SEC24A: variants seen among roughly 807,000 people sequenced by gnomAD.
The protein encoded by SEC24A is SEC24 homolog A, COPII component.
Under a neutral mutation model 129.4 loss-of-function variants are expected in SEC24A, and 93 were observed. The observed-to-expected ratio is 0.72, with a 90% CI of 0.61 to 0.85. The LOEUF (loss-of-function observed/expected upper bound fraction) is 0.85, where lower values mean the gene tolerates loss of function less well. Ranked by LOEUF, SEC24A falls within the 40% of genes least tolerant of loss-of-function variation. SEC24A has a pLI of 0.00. For missense variants in SEC24A, 1,264 were observed against 1,307.4 expected (o/e 0.97, Z 0.51); for synonymous variants, 460 against 467.3 (o/e 0.98, Z 0.20).
chr5:134,659,047 T>TTTTTTTTATTTA (rs1554136611), intron 1 of SEC24A, among the ~76,000 whole-genome samples: 21 of 138,766 alleles, frequency 1.5e-4, no homozygotes, highest in Middle Eastern at 3.3e-3. Context: ...ACCCATTTAT[T>TTTTTTTTATTTA]TTTATTTATT....
chr5:134,661,644 A>G, intron 2 of SEC24A, 58 bp downstream of exon 2: 1 of 1,254,528 alleles, frequency 8.0e-7, no homozygotes. Context: ...GCTTATTTAG[A>G]TGTTTGAAAT....
intron 1 of SEC24A, among the ~76,000 whole-genome samples, chr5:134,660,465 A>C (rs181603885): frequency 6.6e-6 from 1 of 152,102 alleles, no homozygotes; most frequent in African/African-American, 2.4e-5. Context: ...GAGATGGCCT[A>C]TTTTTATCCA....
At chr5:134,714,486 T>C (rs1752421393) in intron 18 of SEC24A, among the ~76,000 whole-genome samples, 3 of 152,212 alleles carry the variant, frequency 2.0e-5, no homozygotes, top group African/African-American at 7.2e-5. Context: ...GGTTGCATAC[T>C]CTTTATGAGA....
intron 8 of SEC24A, among the ~76,000 whole-genome samples, chr5:134,681,332 G>A (rs555757251): frequency 7.3e-5 from 11 of 150,206 alleles, no homozygotes; most frequent in Non-Finnish European, 1.0e-4. Flanking sequence ...CCCGGGAGGC[G>A]GAGGTTGCAG....
chr5:134,676,431 C>G (rs1751064098), intron 7 of SEC24A, among the ~76,000 whole-genome samples: 1 of 146,890 alleles, frequency 6.8e-6, no homozygotes, highest in African/African-American at 2.5e-5. Context: ...AGCCTCTGCG[C>G]CCGGCTCTTT....
chr5:134,697,065 T>C, intron 13 of SEC24A, 61 bp from the exon 14 acceptor site: 1 of 1,008,920 alleles, frequency 9.9e-7, no homozygotes, highest in Non-Finnish European at 1.5e-6. Context: ...AGATGTGTAT[T>C]TAGATTTTAT....
intron 6 of SEC24A, among the ~76,000 whole-genome samples, chr5:134,675,547 T>G (rs1751030594): frequency 6.6e-6 from 1 of 152,220 alleles, no homozygotes; most frequent in Admixed American, 6.5e-5. Flanking sequence ...TCATTTAAAA[T>G]TAATTTCATA....
intron 1 of SEC24A, among the ~76,000 whole-genome samples, chr5:134,658,687 T>G (rs1396910723): frequency 6.6e-6 from 1 of 152,198 alleles, no homozygotes; most frequent in East Asian, 1.9e-4. Flanking sequence ...ATTACAGGCA[T>G]GAGCCACCAT....
Position 134,686,774 on chromosome 5 carries a change from A to G in SEC24A, c.1492-16A>G. The G allele has an allele frequency of 6.8e-7, 1 of 1,477,384 alleles. No homozygotes were observed. Among genetic ancestry groups the G allele is most frequent in the East Asian group, 2.3e-5 (1 of 43,844 alleles). 91.5% of individuals were successfully genotyped at this position (1,477,384 alleles called of 1,614,324 possible). A position where few individuals can be genotyped will look rare whatever the true frequency, so the allele number is the denominator to read the frequency against. On this transcript the variant is annotated splice_polypyrimidine_tract_variant and intron_variant, in intron 9 of 22. Coordinates refer to ENST00000398844, the MANE Select transcript of SEC24A (RefSeq NM_021982.3). ...AATCCTGTTAAATGTACTTAACAAG[A>G]TCTTTTTTTCTTCAGTTACGACCAC... is the stretch of plus-strand genomic sequence containing the variant.
At chr5:134,661,687 G>A in intron 2 of SEC24A, 101 bp downstream of exon 2, 1 of 964,340 alleles carries the variant, frequency 1.0e-6, no homozygotes, top group Non-Finnish European at 1.5e-6. Context: ...TATGGAAAAT[G>A]TGACTTTTAA....
intron 15 of SEC24A, among the ~76,000 whole-genome samples, chr5:134,698,590 A>T (rs1237070557): frequency 1.7e-4 from 25 of 146,712 alleles, no homozygotes; most frequent in African/African-American, 5.3e-4. Context: ...CCTGGGCAAC[A>T]CTGTCTCCAA....
chr5:134,691,774 C>T (rs530280163), intron 11 of SEC24A, among the ~76,000 whole-genome samples: 1 of 151,898 alleles, frequency 6.6e-6, no homozygotes, highest in Non-Finnish European at 1.5e-5. Context: ...CATGAGCCAC[C>T]GTGCCCGGCC....
At position 134,698,046 on chromosome 5, in the gene SEC24A, G is replaced by A. The variant is rs778798833; in HGVS notation, c.2255G>A (p.Arg752Gln). The change falls in exon 15 of 23, where the codon CGG becomes CAG. Residue 752 changes from arginine (R) to glutamine (Q), a missense_variant. Physicochemically the swap from Arg to Gln is conservative, Grantham distance 43 (BLOSUM62 1). Transcript: ENST00000398844. ...GGCTTTGAGGCAGTCATGAGGATTC[G>A]GTGCACCAAAGGTAGGAATATTTTT... ...KIGFEAVMRI[R>Q]CTKGLSIHTF... The A allele has an allele frequency of 1.4e-5, 22 of 1,606,428 alleles. No homozygotes were observed. The highest frequency in any genetic ancestry group is 1.8e-5 in the Non-Finnish European group (21 of 1,178,014).
chr5:134,720,943 A>G (rs1477688426), intron 20 of SEC24A, 55 bp from the exon 21 acceptor site: 3 of 945,832 alleles, frequency 3.2e-6, no homozygotes, highest in South Asian at 2.8e-5. Flanking sequence ...TACTCACTCA[A>G]CAGACTCACC....
In SEC24A at chr5:134,697,910, C is replaced by T. The variant is rs765647790; in HGVS notation, c.2119C>T (p.Arg707Trp). ...GTGTTCTCTTCCAGGTTGTATTTCT[C>T]GGTATTCAGCAGGTAGTGTCTATTA... ...SDLASLGCIS[R>W]YSAGSVYYYP... Residue 707 changes from arginine (R) to tryptophan (W), a missense_variant, in exon 15 of 23, where the codon CGG (arginine) becomes TGG (tryptophan). Physicochemically the swap from Arg to Trp is moderately radical, Grantham distance 101 (BLOSUM62 -3). Coordinates refer to ENST00000398844, the MANE Select transcript of SEC24A (RefSeq NM_021982.3). The T allele has an allele frequency of 1.6e-5, 25 of 1,610,312 alleles. No homozygotes were observed. Among genetic ancestry groups the T allele is most frequent in the African/African-American group, 2.7e-5 (2 of 74,668 alleles).
intron 19 of SEC24A, among the ~76,000 whole-genome samples, chr5:134,715,734 C>T (rs1752458262): frequency 6.6e-6 from 1 of 151,836 alleles, no homozygotes; most frequent in African/African-American, 2.4e-5. Context: ...ATACCTAATG[C>T]ATGTGGGGCT....
intron 1 of SEC24A, among the ~76,000 whole-genome samples, chr5:134,654,414 G>C (rs991032679): frequency 6.6e-6 from 1 of 151,960 alleles, no homozygotes; most frequent in African/African-American, 2.4e-5. Context: ...TAGAGACGGG[G>C]TTTCACCATG....
chr5:134,724,383 G>T (rs1459955391), intron 22 of SEC24A, among the ~76,000 whole-genome samples: 1 of 152,186 alleles, frequency 6.6e-6, no homozygotes, highest in Non-Finnish European at 1.5e-5. Flanking sequence ...GAGGTTGGGA[G>T]TTCGAGACCA....
Position 134,693,781 on chromosome 5 carries a change from A to T in SEC24A, c.1834A>T (p.Thr612Ser). The stretch of plus-strand genomic sequence containing the variant: ...ACAAATGTTTACCAAGACTCTGGAG[A>T]CCCAGAGTGCCTTGGGTCCTGCACT... The part of the protein sequence containing the change: ...LPQMFTKTLE[T>S]QSALGPALQA... Residue 612 changes from threonine to serine, a missense_variant, in exon 13 of 23, where the codon ACC (threonine) becomes TCC (serine). Transcript: ENST00000398844. 6.2e-7 allele frequency: 1 copy of T among 1,614,120 alleles called. No individual in the cohort carries two copies. The highest frequency in any genetic ancestry group is 8.5e-7 in the Non-Finnish European group (1 of 1,179,976).
Sources: allele counts gnomAD v4.1 joint callset (sites outside exome capture counted in the v4.1 genomes callset), GRCh38; gene constraint gnomAD v4.1.1; transcripts MANE v1.5; gene names NCBI Gene and HGNC (gene_info 2026-07-23, HGNC 2026-07-21).